Variants in PCDHGB3 observed in about 807,000 individuals in gnomAD.
The protein encoded by PCDHGB3 is protocadherin gamma subfamily B, 3.
A neutral mutation model predicts 59.2 loss-of-function variants in PCDHGB3; 40 were observed. That is an observed-to-expected ratio of 0.68 (90% CI 0.52 to 0.88). The LOEUF is 0.88. Ranked by LOEUF, PCDHGB3 falls within the 40% of genes least tolerant of loss-of-function variation. PCDHGB3 has a pLI of 0.00. For synonymous variants in PCDHGB3, 581 were observed against 503.6 expected (o/e 1.15, Z -2.06); for missense variants, 1,309 against 1,187.9 (o/e 1.10, Z -1.50).
In PCDHGB3 at chr5:141,493,145, AG is replaced by A. The variant is rs11350413; in HGVS notation, c.2416-1660del. Among the ~76,000 whole-genome samples the A allele has an allele frequency of 0.17, 26,475 of 152,128 alleles. 2,528 individuals carry two copies. The highest frequency in any genetic ancestry group is 0.28 in the Admixed American group (4,206 of 15,272). ...TAGGACTGTATTTTGAAACACCCCC[AG>A]GTGATTTTGATAGCTGATTGAGAGA... is the stretch of plus-strand genomic sequence containing the variant. On this transcript the variant is annotated intron_variant, in intron 1 of 3. Transcript: ENST00000576222. The surrounding 1 kb of genome is among the most constrained non-coding windows in gnomAD (Gnocchi z 4.3).
chr5:141,386,441 T>C (rs908191919), intron 1 of PCDHGB3, among the ~76,000 whole-genome samples: 3 of 152,152 alleles, frequency 2.0e-5, no homozygotes, highest in African/African-American at 7.2e-5. Context: ...CATGGGAGGC[T>C]GAGGCAAGAG....
At chr5:141,449,588 CAAAA>C (rs768743917) in intron 1 of PCDHGB3, among the ~76,000 whole-genome samples, 2 of 57,488 alleles carry the variant, frequency 3.5e-5, no homozygotes, top group Non-Finnish European at 3.7e-5. Flanking sequence ...GACTCTGTCT[CAAAA>C]AAAAAAAAAA....
chr5:141,383,440 G>C, intron 1 of PCDHGB3: 1 of 1,613,950 alleles, frequency 6.2e-7, no homozygotes, highest in African/African-American at 1.3e-5. Flanking sequence ...CTTCTCCCTG[G>C]CTGTGCAAAG....
chr5:141,498,940 A>G (rs527366029), intron 2 of PCDHGB3, among the ~76,000 whole-genome samples: 57 of 140,142 alleles, frequency 4.1e-4, no homozygotes, highest in Non-Finnish European at 7.3e-4. Flanking sequence ...CAGGAAAGAA[A>G]GAAAGAAAAA....
chr5:141,392,692 C>T, intron 1 of PCDHGB3: 11 of 1,148,308 alleles, frequency 9.6e-6, no homozygotes, highest in Non-Finnish European at 1.3e-5. Flanking sequence ...CGAAACCCGA[C>T]CCCTGTTTGG....
At chr5:141,430,842 G>A (rs935750449) in intron 1 of PCDHGB3, 4 of 1,567,068 alleles carry the variant, frequency 2.6e-6, no homozygotes, top group Non-Finnish European at 3.4e-6. Flanking sequence ...GAGACCGGAT[G>A]CACCCAGATA....
chr5:141,372,557 C>A lies in PCDHGB3; in HGVS notation c.2163C>A (p.Pro721=). The A allele has an allele frequency of 6.2e-7, 1 of 1,614,048 alleles. No homozygotes were observed. The highest frequency in any genetic ancestry group is 8.5e-7 in the Non-Finnish European group (1 of 1,179,892). The part of the protein sequence containing the change: ...ISLRLRCSSR[P]ATEGYFQPGV... Reference sequence around the variant, plus strand: ...TGCGCCTGCGATGCTCCTCCAGACCCGCCACTGAGGGCTACTTTCAGCCTG... The same window carrying A: ...TGCGCCTGCGATGCTCCTCCAGACCAGCCACTGAGGGCTACTTTCAGCCTG... The change falls in exon 1 of 4, where the codon CCC becomes CCA. Residue 721 remains proline (P), a synonymous_variant. Transcript: ENST00000576222.
At chr5:141,375,620 A>T in intron 1 of PCDHGB3, 1 of 1,614,156 alleles carries the variant, frequency 6.2e-7, no homozygotes, top group African/African-American at 1.3e-5. Flanking sequence ...CGACACTGGG[A>T]TTCTGTACGC....
intron 1 of PCDHGB3, chr5:141,375,303 A>T: frequency 3.1e-6 from 5 of 1,613,850 alleles, no homozygotes; most frequent in Non-Finnish European, 4.2e-6. Context: ...TTAGTGACAA[A>T]TGCAGCTCTA....
At chr5:141,452,909 TAC>T (rs1370071626) in intron 1 of PCDHGB3, among the ~76,000 whole-genome samples, 2 of 152,232 alleles carry the variant, frequency 1.3e-5, no homozygotes, top group African/African-American at 4.8e-5. Context: ...GTTGGCATTA[TAC>T]AGTAAGAAAG....
chr5:141,494,100 G>A (rs559145191), intron 1 of PCDHGB3, among the ~76,000 whole-genome samples: 7 of 152,270 alleles, frequency 4.6e-5, no homozygotes, highest in South Asian at 2.1e-4. Flanking sequence ...ATTTTTCTCC[G>A]TCTCAGACAG....
At chr5:141,380,267 C>A (rs1021604042) in intron 1 of PCDHGB3, among the ~76,000 whole-genome samples, 2 of 152,042 alleles carry the variant, frequency 1.3e-5, no homozygotes, top group Non-Finnish European at 2.9e-5. Flanking sequence ...GGAGTAAAAT[C>A]TCAGAGGAGA....
intron 1 of PCDHGB3, among the ~76,000 whole-genome samples, chr5:141,447,233 G>A (rs565398752): frequency 2.6e-5 from 4 of 152,028 alleles, no homozygotes; most frequent in Non-Finnish European, 4.4e-5. Flanking sequence ...TCCGCCTCCC[G>A]GGTTCAAGTG....
chr5:141,490,232 A>G lies in PCDHGB3; in HGVS notation c.2416-4575A>G. 6.2e-7 allele frequency: 1 copy of G among 1,614,216 alleles called. No homozygotes were observed. Among genetic ancestry groups the G allele is most frequent in the Non-Finnish European group, 8.5e-7 (1 of 1,180,032 alleles). ...CGTGACCAGGGACAGCCTGCCATGG[A>G]GGGCCACTGTGTGATTCAAGTGGAT... On this transcript the variant is annotated intron_variant, in intron 1 of 3. Transcript: ENST00000576222. This position sits in a 1 kb window ranked among gnomAD's most constrained non-coding sequence, Gnocchi z 5.4.
In PCDHGB3 at chr5:141,410,620, G is replaced by C. The variant is rs765125633; in HGVS notation, c.2415+37811G>C. ...CTTCACATCCTGAGACTCTGACTTC[G>C]GTGAGTTTCTCTTTTTTGTGTGTGA... On this transcript the variant is annotated intron_variant, in intron 1 of 3. Coordinates refer to ENST00000576222, the MANE Select transcript of PCDHGB3 (RefSeq NM_018924.5). The C allele has an allele frequency of 3.4e-5, 55 of 1,603,406 alleles. 1 individual carries two copies. The highest frequency in any genetic ancestry group is 2.8e-4 in the Admixed American group (17 of 59,744).
intron 1 of PCDHGB3, chr5:141,392,740 G>A: frequency 1.4e-6 from 2 of 1,435,578 alleles, no homozygotes. Context: ...CATCTCCATA[G>A]CTGCGGCAAG....
chr5:141,377,925 G>A (rs1473713121), intron 1 of PCDHGB3: 1 of 152,134 alleles, frequency 6.6e-6, no homozygotes, highest in Non-Finnish European at 1.5e-5. Context: ...AAATCCACCT[G>A]TAACTGCTGC....
chr5:141,439,458 C>T (rs2098114160), intron 1 of PCDHGB3, among the ~76,000 whole-genome samples: 1 of 152,214 alleles, frequency 6.6e-6, no homozygotes, highest in East Asian at 1.9e-4. Flanking sequence ...AGCAAGACTG[C>T]ACTGCTGCCT....
intron 1 of PCDHGB3, among the ~76,000 whole-genome samples, chr5:141,470,152 T>C (rs546219809): frequency 2.6e-5 from 4 of 152,308 alleles, no homozygotes; most frequent in African/African-American, 9.6e-5. Context: ...ATAGATCATC[T>C]TATCAAATCA....
Sources: gnomAD v4.1 joint callset for allele counts (sites outside exome capture counted in the v4.1 genomes callset) on GRCh38, gnomAD v4.1.1 for gene constraint, Gnocchi (gnomAD v3.1) non-coding constraint, MANE v1.5 for transcripts, NCBI Gene and HGNC (gene_info 2026-07-23, HGNC 2026-07-21) for gene names.